Variants in PLEKHB2 observed in about 807,000 individuals in gnomAD.
The protein encoded by PLEKHB2 is pleckstrin homology domain-containing family B member 2.
In PLEKHB2, 31 loss-of-function variants were observed where a neutral mutation model predicts 36.5. The ratio of observed to expected loss-of-function variants is 0.85; its 90% CI spans 0.64 to 1.15. The LOEUF (loss-of-function observed/expected upper bound fraction) is 1.15, where lower values mean the gene tolerates loss of function less well. Ranked by LOEUF, PLEKHB2 falls within the 50% of genes most tolerant of loss-of-function variation. The pLI is 0.00. For missense variants in PLEKHB2, 262 were observed against 295.3 expected, an observed-to-expected ratio of 0.89 and a Z score of 0.83; for synonymous variants, 119 against 112.0, an observed-to-expected ratio of 1.06 and a Z score of -0.39.
Position 131,130,637 on chromosome 2 carries a change from C to T in PLEKHB2, c.294-84C>T. The T allele has an allele frequency of 2.4e-5, 24 of 1,020,790 alleles. No homozygotes were observed. In the South Asian group the frequency reaches 2.7e-4, roughly 12 times the overall value. 63.2% of individuals were successfully genotyped at this position (1,020,790 alleles called of 1,614,324 possible). ...GACTTGTTTTTTAAACAGATCTTTT[C>T]AGGAATTCTGATGCCAGCCCAGGTT... On this transcript the variant is annotated intron_variant, in intron 4 of 7. Coordinates refer to ENST00000693505, the MANE Select transcript of PLEKHB2 (RefSeq NM_001100623.2).
intron 1 of PLEKHB2, among the ~76,000 whole-genome samples, chr2:131,115,923 C>A (rs1573537073): frequency 6.6e-6 from 1 of 152,102 alleles, no homozygotes; most frequent in Non-Finnish European, 1.5e-5. Context: ...TCAAAGAGTA[C>A]TGGCTTGTTT....
chr2:131,135,367 G>T (rs769743123), intron 6 of PLEKHB2, among the ~76,000 whole-genome samples: 1 of 152,056 alleles, frequency 6.6e-6, no homozygotes, highest in Non-Finnish European at 1.5e-5. Context: ...GTGCCTGGTC[G>T]GCGCCTGTAA....
At chr2:131,115,553 C>A (rs898229584) in intron 1 of PLEKHB2, among the ~76,000 whole-genome samples, 2 of 151,668 alleles carry the variant, frequency 1.3e-5, no homozygotes, top group Non-Finnish European at 2.9e-5. Context: ...CGGGGTTTCA[C>A]CATATTGGCC....
At chr2:131,126,134 G>A (rs1697078526) in intron 3 of PLEKHB2, among the ~76,000 whole-genome samples, 1 of 152,192 alleles carries the variant, frequency 6.6e-6, no homozygotes, top group African/African-American at 2.4e-5. Flanking sequence ...GGGAGCCAGA[G>A]CTCTGGGAAC....
intron 4 of PLEKHB2, among the ~76,000 whole-genome samples, chr2:131,127,797 T>C (rs1697240474): frequency 6.6e-6 from 1 of 152,234 alleles, no homozygotes; most frequent in Non-Finnish European, 1.5e-5. Context: ...AGTATTACCC[T>C]GTAATCTGGA....
chr2:131,127,356 A>C (rs898201987), intron 4 of PLEKHB2, among the ~76,000 whole-genome samples: 2 of 152,122 alleles, frequency 1.3e-5, no homozygotes, highest in Non-Finnish European at 2.9e-5. Context: ...CTCTGTTGTC[A>C]CATGGCCTTC....
chr2:131,120,614 C>T (rs557681505), intron 1 of PLEKHB2: 14 of 399,580 alleles, frequency 3.5e-5, no homozygotes, highest in South Asian at 1.8e-4. Flanking sequence ...CAGCAAGCCA[C>T]GAGAATCCCC....
At chr2:131,106,168 A>G (rs1445077950) in intron 1 of PLEKHB2, among the ~76,000 whole-genome samples, 1 of 152,132 alleles carries the variant, frequency 6.6e-6, no homozygotes, top group Non-Finnish European at 1.5e-5. Context: ...TTAAATCTCA[A>G]ATGTAGACCG....
intron 3 of PLEKHB2, 104 bp from the exon 4 acceptor site, chr2:131,126,580 A>T: frequency 1.4e-6 from 1 of 716,962 alleles, no homozygotes; most frequent in East Asian, 2.7e-5. Flanking sequence ...TAGATGTAGC[A>T]CTTGATTTAT....
At chr2:131,119,047 GA>G (rs1696193112) in intron 1 of PLEKHB2, 1 of 151,572 alleles carries the variant, frequency 6.6e-6, no homozygotes, top group South Asian at 2.1e-4. Context: ...CTGAGGTCAG[GA>G]GTTCGAGACC....
intron 1 of PLEKHB2, among the ~76,000 whole-genome samples, chr2:131,106,112 C>T (rs1027811073): frequency 2.0e-5 from 3 of 152,120 alleles, no homozygotes; most frequent in African/African-American, 7.2e-5. Context: ...ATTGAAAACT[C>T]CGGAGGTCAG....
intron 6 of PLEKHB2, among the ~76,000 whole-genome samples, chr2:131,136,153 C>T (rs999091185): frequency 6.7e-6 from 1 of 149,454 alleles, no homozygotes; most frequent in African/African-American, 2.5e-5. Flanking sequence ...TGCCTGTCTT[C>T]CTGCCTCCTC....
chr2:131,133,917 T>G (rs1434922856), intron 6 of PLEKHB2, among the ~76,000 whole-genome samples: 28 of 148,930 alleles, frequency 1.9e-4, no homozygotes, highest in South Asian at 4.2e-4. Context: ...TTTTTTTTTT[T>G]GGGATGGAGT....
At chr2:131,137,170 A>T (rs1467274150) in intron 6 of PLEKHB2, among the ~76,000 whole-genome samples, 1 of 148,986 alleles carries the variant, frequency 6.7e-6, no homozygotes, top group African/African-American at 2.6e-5. Flanking sequence ...GACGGTCTCG[A>T]TCTCCTGACC....
In PLEKHB2 at chr2:131,140,262, G is replaced by A; in HGVS notation, c.519G>A (p.Gln173=). 3 of 1,594,926 alleles carry A rather than the reference G, an allele frequency of 1.9e-6. No individual in the cohort carries two copies. Among genetic ancestry groups the A allele is most frequent in the Non-Finnish European group, 2.6e-6 (3 of 1,163,130 alleles). ...GGCAGGCGTATGCCGTGCCCTACCA[G>A]TACCCATATGCAGGTAACTCACGCC... ...ANGQAYAVPY[Q]YPYAGLYGQQ... The change falls in exon 7 of 8, where the codon CAG becomes CAA. Residue 173 remains glutamine (Q), a synonymous_variant. Coordinates refer to ENST00000693505, the MANE Select transcript of PLEKHB2 (RefSeq NM_001100623.2).
At chr2:131,136,040 C>G (rs536119016) in intron 6 of PLEKHB2, among the ~76,000 whole-genome samples, 2 of 152,120 alleles carry the variant, frequency 1.3e-5, no homozygotes, top group Non-Finnish European at 2.9e-5. Flanking sequence ...ATTAAGTATG[C>G]TGTTAGCTGG....
intron 5 of PLEKHB2, among the ~76,000 whole-genome samples, chr2:131,131,328 G>T (rs2104902799): frequency 6.6e-6 from 1 of 152,340 alleles, no homozygotes; most frequent in Non-Finnish European, 1.5e-5. Context: ...TTTGAATTGT[G>T]CTGTGGTTTG....
intron 1 of PLEKHB2, among the ~76,000 whole-genome samples, chr2:131,105,967 GGCTTTACCCTCGCGGTGC>G (rs1222412398): frequency 6.6e-6 from 1 of 152,156 alleles, no homozygotes; most frequent in Non-Finnish European, 1.5e-5. Flanking sequence ...GGGGCGTTGA[GGCTTTACCCTCGCGGTGC>G]GGTCCGCCCC....
chr2:131,110,962 C>T (rs982209051), intron 1 of PLEKHB2, among the ~76,000 whole-genome samples: 5 of 151,914 alleles, frequency 3.3e-5, no homozygotes, highest in Non-Finnish European at 1.5e-5. Context: ...AGTATTATTT[C>T]TCTGCTCTTT....
Sources: gnomAD v4.1 joint callset for allele counts (sites outside exome capture counted in the v4.1 genomes callset) on GRCh38, gnomAD v4.1.1 for gene constraint, MANE v1.5 for transcripts, NCBI Gene and HGNC (gene_info 2026-07-23, HGNC 2026-07-21) for gene names.